SH3BGR: variants seen among roughly 807,000 people sequenced by gnomAD.
The protein encoded by SH3BGR is SH3 domain binding glutamate rich protein.
A neutral mutation model predicts 24.5 loss-of-function variants in SH3BGR; 29 were observed. That is an observed-to-expected ratio of 1.18 (90% CI 0.88 to 1.61). SH3BGR has a LOEUF of 1.61. SH3BGR is among the 40% of genes most tolerant of loss of function. The pLI is 0.00. For missense variants in SH3BGR, 162 were observed against 205.8 expected, an observed-to-expected ratio of 0.79 and a Z score of 1.30; for synonymous variants, 55 against 65.7, an observed-to-expected ratio of 0.84 and a Z score of 0.79.
At chr21:39,506,074 T>G (rs1324204142) in intron 4 of SH3BGR, among the ~76,000 whole-genome samples, 1 of 152,232 alleles carries the variant, frequency 6.6e-6, no homozygotes, top group African/African-American at 2.4e-5. Flanking sequence ...TGTTCTTCTA[T>G]CCAATCACTA....
intron 3 of SH3BGR, among the ~76,000 whole-genome samples, chr21:39,497,909 AAACT>A (rs1177106254): frequency 6.6e-6 from 1 of 152,218 alleles, no homozygotes; most frequent in East Asian, 1.9e-4. Context: ...ACCTTTTTGA[AAACT>A]AATAAGAATA....
At chr21:39,462,646 G>T in intron 2 of SH3BGR, 86 bp downstream of exon 2, 1 of 923,074 alleles carries the variant, frequency 1.1e-6, no homozygotes, top group Non-Finnish European at 1.6e-6. Context: ...GTCAGCATTT[G>T]AAATTATTCA....
chr21:39,469,812 G>A (rs922745704), intron 2 of SH3BGR, among the ~76,000 whole-genome samples: 3 of 151,436 alleles, frequency 2.0e-5, no homozygotes, highest in Non-Finnish European at 2.9e-5. Flanking sequence ...GCGCCACCAC[G>A]CCCGGTTAAT....
In SH3BGR at chr21:39,488,712, G is replaced by A. The variant is rs923275056; in HGVS notation, c.313-11111G>A. On this transcript the variant is annotated intron_variant, in intron 3 of 6. Transcript: ENST00000333634. The stretch of plus-strand genomic sequence containing the variant: ...TCATACTGGGTGGGAAGATGACAGA[G>A]GCAGAAGTAGAGATGCTGGCGGCCG... 4 of 457,248 alleles carry A rather than the reference G, an allele frequency of 8.7e-6. No individual in the cohort carries two copies. In the Admixed American group the frequency reaches 8.9e-5, roughly 10 times the overall value. 28.3% of individuals were successfully genotyped at this position (457,248 alleles called of 1,614,324 possible).
chr21:39,456,713 C>T (rs1052387930), intron 1 of SH3BGR, among the ~76,000 whole-genome samples: 1 of 152,170 alleles, frequency 6.6e-6, no homozygotes, highest in African/African-American at 2.4e-5. Flanking sequence ...AGGCCTGATC[C>T]TGGGGAATTA....
intron 3 of SH3BGR, among the ~76,000 whole-genome samples, chr21:39,483,457 C>T (rs889439600): frequency 2.0e-5 from 3 of 152,192 alleles, no homozygotes; most frequent in Non-Finnish European, 4.4e-5. Flanking sequence ...CTCTTCTCAT[C>T]GAGGCTTTTG....
intron 3 of SH3BGR, among the ~76,000 whole-genome samples, chr21:39,476,922 A>C (rs1244765854): frequency 6.6e-6 from 1 of 152,176 alleles, no homozygotes; most frequent in Non-Finnish European, 1.5e-5. Context: ...TACTGTCTTC[A>C]CCAAGAGTCC....
At chr21:39,505,761 G>A (rs867044185) in intron 4 of SH3BGR, among the ~76,000 whole-genome samples, 21 of 151,564 alleles carry the variant, frequency 1.4e-4, no homozygotes, top group Admixed American at 4.6e-4. Flanking sequence ...GCAAAACTTC[G>A]TCTCAAAAAA....
At chr21:39,510,447 C>T (rs1022981236) in intron 5 of SH3BGR, among the ~76,000 whole-genome samples, 1 of 107,654 alleles carries the variant, frequency 9.3e-6, no homozygotes, top group African/African-American at 3.8e-5. Context: ...CACACACACA[C>T]ACACACACTG....
intron 1 of SH3BGR, among the ~76,000 whole-genome samples, chr21:39,460,689 C>T (rs536721121): frequency 7.2e-5 from 11 of 152,148 alleles, no homozygotes; most frequent in Admixed American, 6.5e-4. Flanking sequence ...AGGCTGGTCT[C>T]GAACTCCTGA....
At chr21:39,476,218 G>A (rs1416181389) in intron 3 of SH3BGR, among the ~76,000 whole-genome samples, 6 of 152,156 alleles carry the variant, frequency 3.9e-5, no homozygotes, top group East Asian at 1.9e-4. Context: ...GACCAGGAGC[G>A]TGTGGCGTCA....
At chr21:39,488,685 T>C in intron 3 of SH3BGR, 1 of 418,308 alleles carries the variant, frequency 2.4e-6, no homozygotes, top group South Asian at 2.1e-5. Context: ...GGCAAGTCCT[T>C]GTCATACTGG....
At chr21:39,457,297 TA>T (rs1227885882) in intron 1 of SH3BGR, among the ~76,000 whole-genome samples, 5 of 141,242 alleles carry the variant, frequency 3.5e-5, no homozygotes, top group African/African-American at 1.3e-4. Context: ...TATTATAATA[TA>T]GTTACATATA....
intron 4 of SH3BGR, among the ~76,000 whole-genome samples, chr21:39,507,429 G>T (rs1402976702): frequency 6.6e-6 from 1 of 152,170 alleles, no homozygotes; most frequent in Admixed American, 6.5e-5. Context: ...CGCCTCCTGG[G>T]TTCAAGCGAT....
At chr21:39,486,889 T>C (rs905982233) in intron 3 of SH3BGR, among the ~76,000 whole-genome samples, 31 of 152,186 alleles carry the variant, frequency 2.0e-4, no homozygotes, top group Non-Finnish European at 3.4e-4. Flanking sequence ...CTAATTTTTG[T>C]ATTTTCTTAG....
At chr21:39,467,386 TAA>T (rs1341301867) in intron 2 of SH3BGR, among the ~76,000 whole-genome samples, 3 of 152,206 alleles carry the variant, frequency 2.0e-5, no homozygotes, top group African/African-American at 7.2e-5. Context: ...ATTTCATGTT[TAA>T]CTGTTTCTAT....
At chr21:39,484,414 T>C (rs1263115703) in intron 3 of SH3BGR, among the ~76,000 whole-genome samples, 1 of 152,238 alleles carries the variant, frequency 6.6e-6, no homozygotes, top group Admixed American at 6.5e-5. Context: ...CAGGTTTGTT[T>C]ATTGTAACTT....
At chr21:39,462,266 A>T in intron 1 of SH3BGR, 109 bp from the exon 2 acceptor site, 1 of 748,896 alleles carries the variant, frequency 1.3e-6, no homozygotes, top group South Asian at 1.8e-5. Context: ...TTGAATACTT[A>T]ACAAAATTAT....
intron 3 of SH3BGR, among the ~76,000 whole-genome samples, 160 bp downstream of exon 3, chr21:39,475,375 G>A (rs1180483362): frequency 5.9e-5 from 9 of 152,104 alleles, no homozygotes; most frequent in African/African-American, 2.2e-4. Flanking sequence ...AGAGAATGCA[G>A]TTTTTACTAA....
Sources: allele counts gnomAD v4.1 joint callset (sites outside exome capture counted in the v4.1 genomes callset), GRCh38; gene constraint gnomAD v4.1.1; transcripts MANE v1.5; gene names NCBI Gene and HGNC (gene_info 2026-07-23, HGNC 2026-07-21).